Variants in LIMS1 observed in about 807,000 individuals in gnomAD.
The protein encoded by LIMS1 is LIM zinc finger domain containing 1, also known as LIM and senescent cell antigen-like-containing domain protein 1.
A neutral mutation model predicts 44.1 loss-of-function variants in LIMS1; 18 were observed. The ratio of observed to expected loss-of-function variants is 0.41; its 90% CI spans 0.28 to 0.61. The LOEUF (loss-of-function observed/expected upper bound fraction) is 0.61. Among genes scored for constraint, LIMS1 ranks in the 20% least tolerant of loss-of-function variants. The probability of loss-of-function intolerance (pLI) is 0.32; values close to 1 mark genes in which losing one functional copy is unlikely to be tolerated. For synonymous variants in LIMS1, 93 were observed against 149.1 expected (o/e 0.62, Z 2.74); for missense variants, 201 against 422.0 (o/e 0.48, Z 4.59).
intron 1 of LIMS1, among the ~76,000 whole-genome samples, chr2:108,623,946 G>A (rs1422419189): frequency 6.6e-6 from 1 of 152,236 alleles, no homozygotes; most frequent in Non-Finnish European, 1.5e-5. Context: ...AAATAGTTCC[G>A]GCGTCAAACT....
At chr2:108,562,156 A>G (rs1456703199) in intron 1 of LIMS1, among the ~76,000 whole-genome samples, 1 of 152,214 alleles carries the variant, frequency 6.6e-6, no homozygotes, top group Non-Finnish European at 1.5e-5. Context: ...TAACTGCTAT[A>G]CTTACTGGCC....
intron 8 of LIMS1, among the ~76,000 whole-genome samples, chr2:108,678,850 C>T (rs1692749667): frequency 6.6e-6 from 1 of 152,130 alleles, no homozygotes. Context: ...CATGTTGGGC[C>T]AACAGCAGTA....
chr2:108,534,652 T>C, intron 1 of LIMS1, 58 bp downstream of exon 1: 1 of 997,246 alleles, frequency 1.0e-6, no homozygotes, highest in Non-Finnish European at 1.2e-6. Flanking sequence ...CGGCGGGCCT[T>C]CGGGCCGGGC....
intron 1 of LIMS1, among the ~76,000 whole-genome samples, chr2:108,600,550 G>A (rs1686950656): frequency 6.6e-6 from 1 of 152,122 alleles, no homozygotes; most frequent in African/African-American, 2.4e-5. Context: ...TTTGTTTATG[G>A]TGAGAGGTAG....
At chr2:108,628,667 T>C (rs1310280205) in intron 1 of LIMS1, among the ~76,000 whole-genome samples, 1 of 152,216 alleles carries the variant, frequency 6.6e-6, no homozygotes, top group East Asian at 1.9e-4. Flanking sequence ...GGTTTCACCA[T>C]GTTGGCCAGG....
chr2:108,534,400 C>T (rs1260160066), exon 1 of LIMS1: 6 of 349,776 alleles, frequency 1.7e-5, no homozygotes, highest in Non-Finnish European at 2.8e-5. Context: ...CCCGCCTCGC[C>T]TTCCCCCCCC....
At chr2:108,665,872 C>G (rs1044366812) in intron 2 of LIMS1, among the ~76,000 whole-genome samples, 2 of 152,168 alleles carry the variant, frequency 1.3e-5, no homozygotes, top group African/African-American at 4.8e-5. Context: ...TGACTAATTT[C>G]AGAAGAATTT....
chr2:108,643,391 A>G (rs572036858), intron 1 of LIMS1, among the ~76,000 whole-genome samples: 137 of 152,282 alleles, frequency 9.0e-4, no homozygotes, highest in African/African-American at 3.2e-3. Flanking sequence ...GGGAAGCGCA[A>G]GGGGTTGGGG....
chr2:108,581,303 CAT>C (rs1482943258), intron 1 of LIMS1, among the ~76,000 whole-genome samples: 1 of 152,172 alleles, frequency 6.6e-6, no homozygotes, highest in Non-Finnish European at 1.5e-5. Flanking sequence ...TGCCAACTAA[CAT>C]ATGACTAAGT....
chr2:108,564,286 T>G (rs1002172812), intron 1 of LIMS1, among the ~76,000 whole-genome samples: 1 of 152,190 alleles, frequency 6.6e-6, no homozygotes, highest in African/African-American at 2.4e-5. Context: ...ATAATACTCT[T>G]GCACACTTTA....
intron 1 of LIMS1, among the ~76,000 whole-genome samples, chr2:108,643,897 CT>C (rs1428946732): frequency 2.0e-5 from 3 of 152,204 alleles, no homozygotes; most frequent in African/African-American, 7.2e-5. Context: ...AACAAAGCCA[CT>C]GGGAAATTCG....
intron 1 of LIMS1, among the ~76,000 whole-genome samples, chr2:108,637,260 T>G (rs966269142): frequency 6.6e-6 from 1 of 152,098 alleles, no homozygotes; most frequent in Non-Finnish European, 1.5e-5. Context: ...GTGAAAGATA[T>G]GTACATTTGA....
chr2:108,535,100 A>G (rs1684082396), intron 1 of LIMS1, among the ~76,000 whole-genome samples: 1 of 152,224 alleles, frequency 6.6e-6, no homozygotes, highest in Non-Finnish European at 1.5e-5. Flanking sequence ...CTAAAACAAA[A>G]GAGTTCGTGG....
intron 5 of LIMS1, among the ~76,000 whole-genome samples, chr2:108,675,471 G>T (rs1354512398): frequency 6.6e-6 from 1 of 152,130 alleles, no homozygotes; most frequent in Admixed American, 6.5e-5. Flanking sequence ...CAACACCTCA[G>T]AATTGGGGAT....
rs1206746043 is a variant in LIMS1 at position 108,654,719 on chromosome 2, C to T, written c.33-4886C>T. The T allele has an allele frequency of 4.4e-5, 9 of 206,210 alleles. No individual in the cohort carries two copies. The East Asian group carries it at 1.1e-3, about 25-fold the overall frequency. The allele number at this position is 206,210 out of a possible 1,614,324, so 12.8% of individuals were successfully genotyped here. On this transcript the variant is annotated intron_variant, in intron 1 of 9. Transcript: ENST00000544547. ...AGTCTTGTGGCAAATATGCAAGGCA[C>T]GTGTGGATATTTCTTTCTCTTGGAG...
intron 1 of LIMS1, among the ~76,000 whole-genome samples, chr2:108,581,702 C>A (rs1053818728): frequency 1.4e-4 from 22 of 152,120 alleles, no homozygotes; most frequent in African/African-American, 5.3e-4. Context: ...CTTTGGGAGG[C>A]CGAGGCAGGC....
intron 1 of LIMS1, chr2:108,659,260 A>G: frequency 1.8e-6 from 1 of 555,774 alleles, no homozygotes; most frequent in Non-Finnish European, 2.3e-6. Context: ...CTACTTATTA[A>G]GCTATAAACC....
intron 1 of LIMS1, among the ~76,000 whole-genome samples, chr2:108,585,074 G>C (rs557442036): frequency 6.8e-6 from 1 of 147,566 alleles, no homozygotes; most frequent in Non-Finnish European, 1.5e-5. Flanking sequence ...TGACTTGAAC[G>C]TAGGAAGTGG....
intron 1 of LIMS1, among the ~76,000 whole-genome samples, chr2:108,539,022 G>A (rs887202566): frequency 2.0e-5 from 3 of 152,170 alleles, no homozygotes; most frequent in African/African-American, 4.8e-5. Context: ...TTGACTAGTG[G>A]TTATTTGGGT....
Sources: gnomAD v4.1 joint callset for allele counts (sites outside exome capture counted in the v4.1 genomes callset) on GRCh38, gnomAD v4.1.1 for gene constraint, MANE v1.5 for transcripts, NCBI Gene and HGNC (gene_info 2026-07-23, HGNC 2026-07-21) for gene names.